The following EXTL3 variants were observed in gnomAD, a reference collection of about 807,000 sequenced individuals.
EXTL3 encodes exostosin-like 3.
In EXTL3, 27 loss-of-function variants were observed where a neutral mutation model predicts 69.3. The observed-to-expected ratio is 0.39, with a 90% CI of 0.29 to 0.54. The LOEUF is 0.54. Among genes scored for constraint, EXTL3 ranks in the 20% least tolerant of loss-of-function variants. The probability of loss-of-function intolerance (pLI) is 0.69; values close to 1 mark genes in which losing one functional copy is unlikely to be tolerated. For synonymous variants in EXTL3, 511 were observed against 499.4 expected (o/e 1.02, Z -0.31); for missense variants, 1,003 against 1,231.8 (o/e 0.81, Z 2.78).
chr8:28,746,487 G>A (rs1206862287), intron 6 of EXTL3, among the ~76,000 whole-genome samples: 2 of 152,074 alleles, frequency 1.3e-5, no homozygotes, highest in African/African-American at 2.4e-5. Flanking sequence ...AGCATAAAAC[G>A]AATATTTTTC....
rs77872848 is a variant in EXTL3, at chr8:28,753,176, A to T, written c.*2310A>T. 1 of 152,224 alleles carries T rather than the reference A, an allele frequency of 6.6e-6. No individual in the cohort carries two copies. The highest frequency in any genetic ancestry group is 1.5e-5 in the Non-Finnish European group (1 of 68,052). The allele number at this position is 152,224 out of a possible 1,614,324, so 9.4% of individuals were successfully genotyped here. On this transcript the variant is annotated 3_prime_UTR_variant, in exon 7 of 7. Coordinates refer to ENST00000220562, the MANE Select transcript of EXTL3 (RefSeq NM_001440.4). ...AGGCTCTGAGGGGCACGCCCTCCTCAGCGAGAGGCAGCAAGGTGGCCACAG... is the reference window on the plus strand; with the variant it reads ...AGGCTCTGAGGGGCACGCCCTCCTCTGCGAGAGGCAGCAAGGTGGCCACAG...
chr8:28,670,936 C>G (rs544593778), intron 1 of EXTL3, among the ~76,000 whole-genome samples: 16 of 151,470 alleles, frequency 1.1e-4, no homozygotes, highest in Non-Finnish European at 2.1e-4. Context: ...GAGAGCAAAT[C>G]TTTACTCCCT....
intron 2 of EXTL3, among the ~76,000 whole-genome samples, chr8:28,614,410 T>C (rs1208823303): frequency 6.6e-6 from 1 of 151,456 alleles, no homozygotes; most frequent in Non-Finnish European, 1.5e-5. Context: ...AGTAGCTGGA[T>C]ATACAGGCAC....
upstream of EXTL3, among the ~76,000 whole-genome samples, chr8:28,622,509 G>C (rs1344515058): frequency 6.6e-6 from 1 of 151,746 alleles, no homozygotes; most frequent in Non-Finnish European, 1.5e-5. Context: ...CCGGGAGCCG[G>C]CGAGGGCGGG....
chr8:28,713,342 A>C (rs1489773438), intron 1 of EXTL3, 115 bp from the exon 2 acceptor site: 4 of 585,090 alleles, frequency 6.8e-6, no homozygotes, highest in Admixed American at 6.4e-5. Flanking sequence ...ACATAAGAGA[A>C]ATCTTTTCAT....
At chr8:28,672,537 G>A (rs952189872) in intron 1 of EXTL3, among the ~76,000 whole-genome samples, 1 of 152,096 alleles carries the variant, frequency 6.6e-6, no homozygotes, top group African/African-American at 2.4e-5. Context: ...TGAATTTACT[G>A]GTTCTCAAAG....
Position 28,717,654 on chromosome 8 carries a change from C to T in EXTL3, c.1595C>T (p.Ala532Val). Residue 532 changes from alanine to valine, a missense_variant, in exon 3 of 7, where the codon GCT (alanine) becomes GTT (valine). Transcript: ENST00000220562. The surrounding 1 kb of genome is among the most constrained non-coding windows in gnomAD (Gnocchi z 8.3). ...GACAGTATTTTTAATACCGTGCTGGCTATGATTAGGACTCGCATCCAGATC... is the reference window on the plus strand; with the variant it reads ...GACAGTATTTTTAATACCGTGCTGGTTATGATTAGGACTCGCATCCAGATC... ...TADSIFNTVL[A>V]MIRTRIQIPA... 1.9e-6 allele frequency: 3 copies of T among 1,614,240 alleles called. No homozygotes were observed. The highest frequency in any genetic ancestry group is 2.5e-6 in the Non-Finnish European group (3 of 1,180,046).
At chr8:28,650,339 C>T (rs780933854) in intron 1 of EXTL3, among the ~76,000 whole-genome samples, 2 of 151,508 alleles carry the variant, frequency 1.3e-5, no homozygotes, top group Non-Finnish European at 2.9e-5. Flanking sequence ...ATTGGTTCAG[C>T]ACCTTTATTG....
chr8:28,612,181 T>C (rs1327944408), intron 2 of EXTL3, among the ~76,000 whole-genome samples: 1 of 152,178 alleles, frequency 6.6e-6, no homozygotes, highest in Non-Finnish European at 1.5e-5. Flanking sequence ...GGGCCAGGCA[T>C]GGTGGCTCAC....
At chr8:28,731,487 G>A (rs1801537316) in intron 4 of EXTL3, 137 bp downstream of exon 4, 2 of 879,218 alleles carry the variant, frequency 2.3e-6, no homozygotes, top group Non-Finnish European at 3.7e-6. Flanking sequence ...GACGTGGCTG[G>A]ATGCAGGCTC....
intron 1 of EXTL3, among the ~76,000 whole-genome samples, chr8:28,668,436 A>G (rs998305983): frequency 6.7e-6 from 1 of 149,442 alleles, no homozygotes; most frequent in African/African-American, 2.5e-5. Flanking sequence ...GGTTCAAGCA[A>G]TTCTCCTGCC....
chr8:28,734,585 G>A (rs1254321884), intron 4 of EXTL3, among the ~76,000 whole-genome samples: 7 of 152,180 alleles, frequency 4.6e-5, no homozygotes, highest in East Asian at 1.9e-4. Context: ...GTTGGCGTGC[G>A]CCTGTAATCC....
intron 1 of EXTL3, among the ~76,000 whole-genome samples, chr8:28,651,012 CCTT>C (rs757887217): frequency 1.3e-5 from 2 of 151,920 alleles, no homozygotes; most frequent in East Asian, 1.9e-4. Flanking sequence ...TTCTTTTTCT[CCTT>C]CTTTTCACCG....
At chr8:28,722,826 C>CT (rs1365084085) in intron 3 of EXTL3, among the ~76,000 whole-genome samples, 1 of 151,342 alleles carries the variant, frequency 6.6e-6, no homozygotes, top group African/African-American at 2.4e-5. Flanking sequence ...TTTTTCAATG[C>CT]CCTTTTCCCT....
chr8:28,697,263 A>C (rs545625228), upstream of EXTL3: 1 of 152,210 alleles, frequency 6.6e-6, no homozygotes, highest in Non-Finnish European at 1.5e-5. Flanking sequence ...AACAAGCTCT[A>C]TTTACAAGTG....
At chr8:28,712,368 G>A (rs1490163213) in intron 1 of EXTL3, among the ~76,000 whole-genome samples, 1 of 152,066 alleles carries the variant, frequency 6.6e-6, no homozygotes, top group Non-Finnish European at 1.5e-5. Flanking sequence ...GAGAGGGGAG[G>A]CGTGGCCTGA....
chr8:28,655,330 CTATTT>C (rs1563437441), intron 1 of EXTL3, among the ~76,000 whole-genome samples: 1 of 152,008 alleles, frequency 6.6e-6, no homozygotes, highest in African/African-American at 2.4e-5. Flanking sequence ...ATTATTATGC[CTATTT>C]TATAAGAAAG....
chr8:28,690,987 G>A (rs1585253228), intron 1 of EXTL3, among the ~76,000 whole-genome samples: 1 of 152,136 alleles, frequency 6.6e-6, no homozygotes, highest in Non-Finnish European at 1.5e-5. Flanking sequence ...TTGCAGGGGT[G>A]AAGTTGGGGG....
chr8:28,730,025 G>A (rs1239344969), intron 3 of EXTL3: 1 of 152,080 alleles, frequency 6.6e-6, no homozygotes, highest in Non-Finnish European at 1.5e-5. Context: ...TGAAGTATGA[G>A]GGCTCTGCAT....
Sources: gnomAD v4.1 joint callset for allele counts (sites outside exome capture counted in the v4.1 genomes callset) on GRCh38, gnomAD v4.1.1 for gene constraint, Gnocchi (gnomAD v3.1) non-coding constraint, MANE v1.5 for transcripts, NCBI Gene and HGNC (gene_info 2026-07-23, HGNC 2026-07-21) for gene names.